The following AADACL4 variants were observed in gnomAD, a reference collection of about 807,000 sequenced individuals.
AADACL4 encodes the protein arylacetamide deacetylase like 4, also known as arylacetamide deacetylase-like 4.
AADACL4 carries 9 observed loss-of-function variants against 14.1 expected under a neutral mutation model. That is an observed-to-expected ratio of 0.64 (90% CI 0.39 to 1.12). The LOEUF is 1.12. AADACL4 is among the 50% of genes most tolerant of loss of function. The probability of loss-of-function intolerance (pLI) is 0.01; values close to 1 mark genes in which losing one functional copy is unlikely to be tolerated. For synonymous variants in AADACL4, 188 were observed against 201.6 expected (o/e 0.93, Z 0.57); for missense variants, 531 against 516.1 (o/e 1.03, Z -0.28).
intron 2 of AADACL4, among the ~76,000 whole-genome samples, chr1:12,660,033 G>A (rs1056174174): frequency 2.0e-5 from 3 of 152,234 alleles, no homozygotes; most frequent in Non-Finnish European, 4.4e-5. Context: ...TGCCAGGCTA[G>A]TCTTGAACTA....
intron 2 of AADACL4, among the ~76,000 whole-genome samples, chr1:12,659,701 G>A (rs1376539597): frequency 6.6e-6 from 1 of 152,182 alleles, no homozygotes; most frequent in East Asian, 1.9e-4. Flanking sequence ...GGAGTGCAGT[G>A]GCGTGATCAC....
At chr1:12,656,893 C>T (rs911826919) in intron 2 of AADACL4, among the ~76,000 whole-genome samples, 2 of 152,116 alleles carry the variant, frequency 1.3e-5, no homozygotes, top group African/African-American at 4.8e-5. Context: ...GGAATCCCAG[C>T]ACTTTGGGAG....
intron 3 of AADACL4, among the ~76,000 whole-genome samples, chr1:12,665,510 T>C (rs1462465035): frequency 2.0e-5 from 3 of 152,150 alleles, no homozygotes; most frequent in Non-Finnish European, 2.9e-5. Flanking sequence ...CAGGCATGAG[T>C]CACCGTGCCC....
chr1:12,659,939 C>T (rs2100767366), intron 2 of AADACL4, among the ~76,000 whole-genome samples: 1 of 152,306 alleles, frequency 6.6e-6, no homozygotes, highest in African/African-American at 2.4e-5. Context: ...CTGCCTCAGC[C>T]TCCTGAGTAG....
chr1:12,658,108 T>TTTCCTTCC (rs748632129), intron 2 of AADACL4, among the ~76,000 whole-genome samples: 12,399 of 121,926 alleles, frequency 0.1, 835 homozygotes, highest in Non-Finnish European at 0.12. Flanking sequence ...TCTCTCTTTC[T>TTTCCTTCC]TTCCTTCCTT....
Position 12,657,634 on chromosome 1 carries a change from G to A in AADACL4, c.386-4157G>A, listed in dbSNP as rs144394580. Reference sequence around the variant, plus strand: ...AGAGACACGTGCGAGGAGGATTGGGGCTGCTACCTTTATAGGTTTCTTTAA... The same window carrying A: ...AGAGACACGTGCGAGGAGGATTGGGACTGCTACCTTTATAGGTTTCTTTAA... On this transcript the variant is annotated intron_variant, in intron 2 of 3. Transcript: ENST00000376221. Among the ~76,000 whole-genome samples, 312 of 152,282 alleles carry A rather than the reference G, an allele frequency of 2.0e-3. 1 individual carries two copies. The highest frequency in any genetic ancestry group is 7.0e-3 in the African/African-American group (291 of 41,556).
At chr1:12,655,110 C>T (rs992528393) in intron 2 of AADACL4, among the ~76,000 whole-genome samples, 48 of 151,942 alleles carry the variant, frequency 3.2e-4, no homozygotes, top group African/African-American at 5.8e-4. Context: ...TGGGACATTC[C>T]GACATAATTA....
At chr1:12,652,020 A>G (rs1647151924) in intron 2 of AADACL4, among the ~76,000 whole-genome samples, 1 of 149,400 alleles carries the variant, frequency 6.7e-6, no homozygotes, top group Non-Finnish European at 1.5e-5. Context: ...TATTTTTAGT[A>G]GAGACGGGGT....
intron 3 of AADACL4, among the ~76,000 whole-genome samples, chr1:12,665,734 A>C (rs1218113491): frequency 6.1e-4 from 93 of 152,164 alleles, no homozygotes; most frequent in Non-Finnish European, 2.9e-5. Context: ...AGTTTACGGG[A>C]AGCTGACAGA....
intron 1 of AADACL4, among the ~76,000 whole-genome samples, chr1:12,646,918 C>G (rs1192536224): frequency 1.3e-5 from 2 of 152,028 alleles, no homozygotes; most frequent in Non-Finnish European, 2.9e-5. Context: ...AGATAGACAA[C>G]ACAGGAACAA....
chr1:12,665,873 C>A, intron 3 of AADACL4, 88 bp from the exon 4 acceptor site: 2 of 1,352,306 alleles, frequency 1.5e-6, no homozygotes, highest in Non-Finnish European at 2.0e-6. Flanking sequence ...CAGATATAGT[C>A]TTGTAAGGGG....
At chr1:12,646,995 C>T (rs780724455) in intron 1 of AADACL4, among the ~76,000 whole-genome samples, 12 of 151,982 alleles carry the variant, frequency 7.9e-5, no homozygotes, top group East Asian at 1.9e-4. Flanking sequence ...AGCTTTGTTT[C>T]GGTATCAGAC....
chr1:12,658,067 CTCTTTCTT>C lies in AADACL4; in HGVS notation c.386-3708_386-3701del, dbSNP rs140233824. Among the ~76,000 whole-genome samples, 249 of 137,340 alleles carry C rather than the reference CTCTTTCTT, an allele frequency of 1.8e-3. 1 individual carries two copies. Among genetic ancestry groups the C allele is most frequent in the Middle Eastern group, 7.5e-3 (2 of 268 alleles). The allele number at this position is 137,340 out of a possible 152,430, so 90.1% of individuals were successfully genotyped here. Reference sequence around the variant, plus strand: ...TTCCTTCCTTCCTTCCTTTCTTTTTCTCTTTCTTTCTTTCTTTCTTTCTCTTTCTTTCT... The same window carrying C: ...TTCCTTCCTTCCTTCCTTTCTTTTTCTCTTTCTTTCTTTCTCTTTCTTTCT... On this transcript the variant is annotated intron_variant, in intron 2 of 3. Coordinates refer to ENST00000376221, the MANE Select transcript of AADACL4 (RefSeq NM_001013630.2).
chr1:12,649,104 T>A (rs1427741001), intron 1 of AADACL4, among the ~76,000 whole-genome samples: 1 of 152,034 alleles, frequency 6.6e-6, no homozygotes, highest in Non-Finnish European at 1.5e-5. Context: ...TCTAAAGAAA[T>A]CTTTGGAGGC....
chr1:12,649,605 G>A (rs1647132859), intron 1 of AADACL4, among the ~76,000 whole-genome samples: 1 of 152,212 alleles, frequency 6.6e-6, no homozygotes, highest in African/African-American at 2.4e-5. Context: ...TCTTCATGGA[G>A]GGAACCGATT....
chr1:12,652,313 A>C (rs1570428035), intron 2 of AADACL4, among the ~76,000 whole-genome samples: 1 of 151,856 alleles, frequency 6.6e-6, no homozygotes, highest in African/African-American at 2.4e-5. Context: ...GCTCCTTCTC[A>C]CCACCGTTCT....
intron 2 of AADACL4, among the ~76,000 whole-genome samples, chr1:12,657,132 G>C (rs1570430636): frequency 2.0e-5 from 2 of 97,614 alleles, no homozygotes; most frequent in South Asian, 3.5e-4. Context: ...GACAGAGAAA[G>C]ACTGTCTCAA....
chr1:12,666,128 T>C lies in AADACL4; in HGVS notation c.617T>C (p.Leu206Ser). 1 of 1,614,148 alleles carries C rather than the reference T, an allele frequency of 6.2e-7. No individual in the cohort carries two copies. The highest frequency in any genetic ancestry group is 8.5e-7 in the Non-Finnish European group (1 of 1,180,018). The change falls in exon 4 of 4, where the codon TTG becomes TCG. Residue 206 changes from leucine (L) to serine (S), a missense_variant. Physicochemically the swap from Leu to Ser is moderately radical, Grantham distance 145. Coordinates refer to ENST00000376221, the MANE Select transcript of AADACL4 (RefSeq NM_001013630.2). ...GCGGTGGCCGCCATCACCCAGGCCT[T>C]GGTGGGCAGATCAGATCTTCCCCGG... ...GAAVAAITQA[L>S]VGRSDLPRIR... is the part of the protein sequence containing the mutation.
chr1:12,658,182 T>TTCTTTCTC (rs1557550964), intron 2 of AADACL4, among the ~76,000 whole-genome samples: 1 of 146,302 alleles, frequency 6.8e-6, no homozygotes, highest in African/African-American at 2.6e-5. Flanking sequence ...CTTTCTCTCT[T>TTCTTTCTC]TCTTTCTCTC....
Sources: allele counts gnomAD v4.1 joint callset (sites outside exome capture counted in the v4.1 genomes callset), GRCh38; gene constraint gnomAD v4.1.1; transcripts MANE v1.5; gene names NCBI Gene and HGNC (gene_info 2026-07-23, HGNC 2026-07-21).